GP1BA: variants seen among roughly 807,000 people sequenced by gnomAD.
GP1BA encodes the protein glycoprotein Ib platelet subunit alpha, also known as platelet glycoprotein Ib alpha chain.
Under a neutral mutation model 5.6 loss-of-function variants are expected in GP1BA, and 3 were observed. That is an observed-to-expected ratio of 0.53 (90% confidence interval 0.24 to 1.38). The LOEUF (loss-of-function observed/expected upper bound fraction) is 1.38. Ranked by LOEUF, GP1BA falls within the 40% of genes most tolerant of loss-of-function variation. GP1BA has a pLI of 0.16. For missense variants in GP1BA, 707 were observed against 801.4 expected (o/e 0.88, Z 1.42); for synonymous variants, 323 against 358.3 (o/e 0.90, Z 1.11).
rs932646888 is a variant in GP1BA at position 4,934,914 on chromosome 17, T to G, written c.*351T>G. 3.0e-6 allele frequency: 1 copy of G among 330,390 alleles called. No individual in the cohort carries two copies. The highest frequency in any genetic ancestry group is 2.1e-5 in the African/African-American group (1 of 46,834). 20.5% of individuals were successfully genotyped at this position (330,390 alleles called of 1,614,324 possible). A position where few individuals can be genotyped will look rare whatever the true frequency, so the allele number is the denominator to read the frequency against. Reference sequence around the variant, plus strand: ...TTTATCAGGATGTGAGCACTCGTTGTGTCTGGATGTTACAAATATGGGTGG... The same window carrying G: ...TTTATCAGGATGTGAGCACTCGTTGGGTCTGGATGTTACAAATATGGGTGG... On this transcript the variant is annotated 3_prime_UTR_variant, in exon 2 of 2. Transcript: ENST00000329125.
chr17:4,934,416 T>G lies in GP1BA; in HGVS notation c.1812T>G (p.Thr604=). 2 of 1,614,064 alleles carry G rather than the reference T, an allele frequency of 1.2e-6. No homozygotes were observed. The highest frequency in any genetic ancestry group is 1.7e-6 in the Non-Finnish European group (2 of 1,179,902). The change falls in exon 2 of 2, where the codon ACT becomes ACG. Residue 604 remains threonine, a synonymous_variant. Coordinates refer to ENST00000329125, the MANE Select transcript of GP1BA (RefSeq NM_000173.7). The part of the protein sequence containing the change: ...WLLFLRGSLP[T]FRSSLFLWVR... Reference sequence around the variant, plus strand: ...TCTTCCTTCGAGGTTCGCTTCCCACTTTCCGCTCCAGCCTCTTCCTGTGGG... The same window carrying G: ...TCTTCCTTCGAGGTTCGCTTCCCACGTTCCGCTCCAGCCTCTTCCTGTGGG...
In GP1BA at chr17:4,934,147, T is replaced by A. The variant is rs1257379088; in HGVS notation, c.1543T>A (p.Ser515Thr). Residue 515 changes from serine to threonine, a missense_variant, in exon 2 of 2, where the codon TCC becomes ACC. Transcript: ENST00000329125. ...GGTGCTCCAAGGGCATTTGGAGAGC[T>A]CCAGAAATGACCCTTTTCTCCACCC... is the stretch of plus-strand genomic sequence containing the variant. ...RGVLQGHLES[S>T]RNDPFLHPDF... 4 of 1,613,728 alleles carry A rather than the reference T, an allele frequency of 2.5e-6. No individual in the cohort carries two copies. The highest frequency in any genetic ancestry group is 1.1e-5 in the South Asian group (1 of 91,090).
Position 4,933,445 on chromosome 17 carries a change from C to T in GP1BA, c.841C>T (p.Pro281Ser), listed in dbSNP as rs1475292897. The T allele has an allele frequency of 6.2e-7, 1 of 1,613,926 alleles. No individual in the cohort carries two copies. The highest frequency in any genetic ancestry group is 8.5e-7 in the Non-Finnish European group (1 of 1,179,872). The change falls in exon 2 of 2, where the codon CCC becomes TCC. Residue 281 changes from proline (P) to serine (S), a missense_variant. By Grantham distance (74) the Pro-to-Ser change is moderately conservative. Coordinates refer to ENST00000329125, the MANE Select transcript of GP1BA (RefSeq NM_000173.7). ...CTACAAATACCCAGGAAAGGGGTGC[C>T]CCACCCTTGGTGATGAAGGTGACAC... ...PVYKYPGKGC[P>S]TLGDEGDTDL...
Position 4,932,523 on chromosome 17 carries a change from G to C in GP1BA, c.-6-76G>C. On this transcript the variant is annotated intron_variant, in intron 1 of 1. Coordinates refer to ENST00000329125, the MANE Select transcript of GP1BA (RefSeq NM_000173.7). The surrounding 1 kb of genome is among the most constrained non-coding windows in gnomAD (Gnocchi z 4.8). ...GCTGTTTCTGGAAGCGAAGCTGCAGGGGGAAGGGGGCTGGGGCCTGGGGGG... is the reference window on the plus strand; with the variant it reads ...GCTGTTTCTGGAAGCGAAGCTGCAGCGGGAAGGGGGCTGGGGCCTGGGGGG... The C allele has an allele frequency of 7.0e-7, 1 of 1,429,758 alleles. No individual in the cohort carries two copies. The highest frequency in any genetic ancestry group is 9.4e-7 in the Non-Finnish European group (1 of 1,068,028). 88.6% of individuals were successfully genotyped at this position (1,429,758 alleles called of 1,614,324 possible).
In GP1BA at chr17:4,933,393, G is replaced by A. The variant is rs762124363; in HGVS notation, c.789G>A (p.Gln263=). ...TGACCTCTAACGTGGCCAGTGTGCA[G>A]TGTGACAATTCAGACAAGTTTCCCG... The part of the protein sequence containing the change: ...KAMTSNVASV[Q]CDNSDKFPVY... Residue 263 remains glutamine, a synonymous_variant, in exon 2 of 2, where the codon CAG becomes CAA. Coordinates refer to ENST00000329125, the MANE Select transcript of GP1BA (RefSeq NM_000173.7). The A allele has an allele frequency of 5.6e-6, 9 of 1,613,816 alleles. No homozygotes were observed. In the East Asian group the frequency reaches 8.9e-5, roughly 16 times the overall value.
chr17:4,934,325 C>A lies in GP1BA; in HGVS notation c.1721C>A (p.Ala574Asp). The part of the protein sequence containing the change: ...DSGQGAALTT[A>D]TQTTHLELQR... ...GGCCAAGGTGCTGCTCTGACCACAG[C>A]CACACAAACCACACACCTGGAGCTG... The change falls in exon 2 of 2, where the codon GCC becomes GAC. Residue 574 changes from alanine to aspartate, a missense_variant. Ala to Asp is a moderately radical substitution (Grantham distance 126). This residue lies in a region of GP1BA where 247 missense variants were observed against 246.6 expected (regional missense o/e 1.00). Transcript: ENST00000329125. 6.2e-7 allele frequency: 1 copy of A among 1,614,006 alleles called. No individual in the cohort carries two copies. The highest frequency in any genetic ancestry group is 8.5e-7 in the Non-Finnish European group (1 of 1,179,912).
Position 4,933,145 on chromosome 17 carries a change from G to C in GP1BA, c.541G>C (p.Ala181Pro). 8 of 1,613,906 alleles carry C rather than the reference G, an allele frequency of 5.0e-6. No homozygotes were observed. The highest frequency in any genetic ancestry group is 6.8e-6 in the Non-Finnish European group (8 of 1,179,796). Reference sequence around the variant, plus strand: ...TAACAACAACTTGACTGAGCTCCCCGCTGGGCTCCTGAATGGGCTGGAGAA... The same window carrying C: ...TAACAACAACTTGACTGAGCTCCCCCCTGGGCTCCTGAATGGGCTGGAGAA... ...LANNNLTELP[A>P]GLLNGLENLD... The change falls in exon 2 of 2, where the codon GCT (alanine) becomes CCT (proline). Residue 181 changes from alanine to proline, a missense_variant. Physicochemically the swap from Ala to Pro is conservative, Grantham distance 27 (BLOSUM62 -1). Coordinates refer to ENST00000329125, the MANE Select transcript of GP1BA (RefSeq NM_000173.7).
chr17:4,932,721 A>C lies in GP1BA; in HGVS notation c.117A>C (p.Thr39=), dbSNP rs1410870925. The change falls in exon 2 of 2, where the codon ACA becomes ACC. Residue 39 remains threonine, a synonymous_variant. Coordinates refer to ENST00000329125, the MANE Select transcript of GP1BA (RefSeq NM_000173.7). The surrounding 1 kb of genome is among the most constrained non-coding windows in gnomAD (Gnocchi z 4.8). ...TGAACTGTGACAAGAGGAATCTGAC[A>C]GCGCTGCCTCCAGACCTGCCGAAAG... ...LEVNCDKRNL[T]ALPPDLPKDT... 1.7e-5 allele frequency: 27 copies of C among 1,613,936 alleles called. No individual in the cohort carries two copies. Among genetic ancestry groups the C allele is most frequent in the Non-Finnish European group, 2.3e-5 (27 of 1,179,878 alleles).
chr17:4,933,605 T>C lies in GP1BA; in HGVS notation c.1001T>C (p.Leu334Pro). 6.2e-7 allele frequency: 1 copy of C among 1,613,892 alleles called. No individual in the cohort carries two copies. The highest frequency in any genetic ancestry group is 8.5e-7 in the Non-Finnish European group (1 of 1,179,846). Reference protein sequence around the residue: ...GLFYSWSTASLDSQMPSSLHP... With the variant: ...GLFYSWSTASPDSQMPSSLHP... ...TTCTACTCATGGTCCACTGCTTCTC[T>C]AGACAGCCAAATGCCCTCCTCCTTG... Residue 334 changes from leucine (L) to proline (P), a missense_variant, in exon 2 of 2, where the codon CTA becomes CCA. Leu to Pro is a moderately conservative substitution (Grantham distance 98, BLOSUM62 -3). Around this residue, in one of 3 missense-constraint regions of GP1BA, gnomAD observed 442 missense variants for 498.8 expected, o/e 0.89. Coordinates refer to ENST00000329125, the MANE Select transcript of GP1BA (RefSeq NM_000173.7).
chr17:4,933,186 C>A lies in GP1BA; in HGVS notation c.582C>A (p.Leu194=). Residue 194 remains leucine (L), a synonymous_variant, in exon 2 of 2, where the codon CTC becomes CTA. Coordinates refer to ENST00000329125, the MANE Select transcript of GP1BA (RefSeq NM_000173.7). Reference sequence around the variant, plus strand: ...GGCTGGAGAATCTCGACACCCTTCTCCTCCAAGAGAACTCGCTGTATACAA... The same window carrying A: ...GGCTGGAGAATCTCGACACCCTTCTACTCCAAGAGAACTCGCTGTATACAA... ...LNGLENLDTL[L]LQENSLYTIP... The A allele has an allele frequency of 6.2e-7, 1 of 1,614,036 alleles. No homozygotes were observed. Among genetic ancestry groups the A allele is most frequent in the East Asian group, 2.2e-5 (1 of 44,892 alleles).
At position 4,934,582 on chromosome 17, in the gene GP1BA, C is replaced by A; in HGVS notation, c.*19C>A. 1 of 1,612,066 alleles carries A rather than the reference C, an allele frequency of 6.2e-7. No homozygotes were observed. The highest frequency in any genetic ancestry group is 8.5e-7 in the Non-Finnish European group (1 of 1,179,038). On this transcript the variant is annotated 3_prime_UTR_variant, in exon 2 of 2. Coordinates refer to ENST00000329125, the MANE Select transcript of GP1BA (RefSeq NM_000173.7). Reference sequence around the variant, plus strand: ...CCTCTGAGGGTGGGAGGTTTGGGGACCTTGAGAGAAGAGCCTGTGGGCTCT... The same window carrying A: ...CCTCTGAGGGTGGGAGGTTTGGGGAACTTGAGAGAAGAGCCTGTGGGCTCT...
Position 4,932,961 on chromosome 17 carries a change from C to T in GP1BA, c.357C>T (p.Thr119=), listed in dbSNP as rs377601326. 310 of 1,613,880 alleles carry T rather than the reference C, an allele frequency of 1.9e-4. No individual in the cohort carries two copies. The highest frequency in any genetic ancestry group is 2.4e-4 in the Non-Finnish European group (283 of 1,179,896). ...PLLGQTLPAL[T]VLDVSFNRLT... ...TAGGGCAGACACTGCCTGCTCTCAC[C>T]GTCCTGGACGTCTCCTTCAACCGGC... is the stretch of plus-strand genomic sequence containing the variant. The change falls in exon 2 of 2, where the codon ACC becomes ACT. Residue 119 remains threonine (T), a synonymous_variant. Coordinates refer to ENST00000329125, the MANE Select transcript of GP1BA (RefSeq NM_000173.7). The surrounding 1 kb of genome is among the most constrained non-coding windows in gnomAD (Gnocchi z 4.8).
rs1970359965 is a variant in GP1BA at position 4,932,750 on chromosome 17, C to T, written c.146C>T (p.Thr49Ile). Residue 49 changes from threonine to isoleucine, a missense_variant, in exon 2 of 2, where the codon ACA becomes ATA. Thr to Ile is a moderately conservative substitution (Grantham distance 89). This residue lies in a region of GP1BA where 442 missense variants were observed against 498.8 expected (regional missense o/e 0.89). Coordinates refer to ENST00000329125, the MANE Select transcript of GP1BA (RefSeq NM_000173.7). The surrounding 1 kb of genome is among the most constrained non-coding windows in gnomAD (Gnocchi z 4.8). Reference protein sequence around the residue: ...TALPPDLPKDTTILHLSENLL... With the variant: ...TALPPDLPKDITILHLSENLL... ...CTGCCTCCAGACCTGCCGAAAGACACAACCATCCTCCACCTGAGTGAGAAC... is the reference window on the plus strand; with the variant it reads ...CTGCCTCCAGACCTGCCGAAAGACATAACCATCCTCCACCTGAGTGAGAAC... 6.2e-7 allele frequency: 1 copy of T among 1,613,914 alleles called. No individual in the cohort carries two copies. Among genetic ancestry groups the T allele is most frequent in the Non-Finnish European group, 8.5e-7 (1 of 1,179,904 alleles).
Position 4,933,545 on chromosome 17 carries a change from TC to T in GP1BA, c.945del (p.Thr316ProfsTer19). ...KVRATRTVVK[F>X]PTKAHTTPWG... ...CGTGCCACAAGGACTGTGGTCAAGT[TC>T]CCCACCAAAGCCCATACAACCCCCT... On this transcript the variant is annotated frameshift_variant, in exon 2 of 2. Transcript: ENST00000329125. LOFTEE classifies it low-confidence loss of function (END_TRUNC). 1 of 1,613,570 alleles carries T rather than the reference TC, an allele frequency of 6.2e-7. No homozygotes were observed. Among genetic ancestry groups the T allele is most frequent in the Non-Finnish European group, 8.5e-7 (1 of 1,179,762 alleles).
chr17:4,934,497 G>A lies in GP1BA; in HGVS notation c.1893G>A (p.Leu631=). The change falls in exon 2 of 2, where the codon CTG becomes CTA. Residue 631 remains leucine (L), a synonymous_variant. Coordinates refer to ENST00000329125, the MANE Select transcript of GP1BA (RefSeq NM_000173.7). The part of the protein sequence containing the change: ...PLVAGRRPSA[L]SQGRGQDLLS... ...TGGCAGGAAGGAGGCCCTCAGCTCTGAGTCAGGGTCGTGGTCAGGACCTGC... is the reference window on the plus strand; with the variant it reads ...TGGCAGGAAGGAGGCCCTCAGCTCTAAGTCAGGGTCGTGGTCAGGACCTGC... 6.2e-7 allele frequency: 1 copy of A among 1,614,036 alleles called. No homozygotes were observed. The highest frequency in any genetic ancestry group is 8.5e-7 in the Non-Finnish European group (1 of 1,179,896).
chr17:4,934,641 A>G lies in GP1BA; in HGVS notation c.*78A>G, dbSNP rs1970396500. On this transcript the variant is annotated 3_prime_UTR_variant, in exon 2 of 2. Coordinates refer to ENST00000329125, the MANE Select transcript of GP1BA (RefSeq NM_000173.7). Reference sequence around the variant, plus strand: ...AATCTAGTTGGGGGTTGGAGGGGTAAGGAACACAGGGTGATAGGGAGGGGT... The same window carrying G: ...AATCTAGTTGGGGGTTGGAGGGGTAGGGAACACAGGGTGATAGGGAGGGGT... The G allele has an allele frequency of 1.4e-6, 2 of 1,434,546 alleles. No homozygotes were observed. Among genetic ancestry groups the G allele is most frequent in the Admixed American group, 4.3e-5 (2 of 46,192 alleles). 88.9% of individuals were successfully genotyped at this position (1,434,546 alleles called of 1,614,324 possible).
chr17:4,933,180 C>T lies in GP1BA; in HGVS notation c.576C>T (p.Thr192=). The T allele has an allele frequency of 6.2e-7, 1 of 1,613,986 alleles. No homozygotes were observed. Among genetic ancestry groups the T allele is most frequent in the Non-Finnish European group, 8.5e-7 (1 of 1,179,886 alleles). The change falls in exon 2 of 2, where the codon ACC becomes ACT. Residue 192 remains threonine (T), a synonymous_variant. Coordinates refer to ENST00000329125, the MANE Select transcript of GP1BA (RefSeq NM_000173.7). ...GLLNGLENLD[T]LLLQENSLYT... is the part of the protein sequence containing the mutation. The stretch of plus-strand genomic sequence containing the variant: ...TGAATGGGCTGGAGAATCTCGACAC[C>T]CTTCTCCTCCAAGAGAACTCGCTGT...
chr17:4,933,778 G>T lies in GP1BA; in HGVS notation c.1174G>T (p.Val392Phe). 1 of 1,609,878 alleles carries T rather than the reference G, an allele frequency of 6.2e-7. No homozygotes were observed. The highest frequency in any genetic ancestry group is 8.5e-7 in the Non-Finnish European group (1 of 1,178,712). The change falls in exon 2 of 2, where the codon GTC becomes TTC. Residue 392 changes from valine (V) to phenylalanine (F), a missense_variant. This residue lies in a region of GP1BA where 442 missense variants were observed against 498.8 expected (regional missense o/e 0.89). Transcript: ENST00000329125. The part of the protein sequence containing the change: ...PTPSPTTSEP[V>F]PEPAPNMTTL... ...CCCAAGCCCGACCACCTCAGAGCCC[G>T]TCCCGGAGCCCGCCCCAAACATGAC... is the stretch of plus-strand genomic sequence containing the variant.
Position 4,933,594 on chromosome 17 carries a change from C to T in GP1BA, c.990C>T (p.Ser330=). 2 of 1,613,918 alleles carry T rather than the reference C, an allele frequency of 1.2e-6. No individual in the cohort carries two copies. The highest frequency in any genetic ancestry group is 2.2e-5 in the South Asian group (2 of 91,080). The change falls in exon 2 of 2, where the codon TCC becomes TCT. Residue 330 remains serine (S), a synonymous_variant. Transcript: ENST00000329125. ...TTPWGLFYSW[S]TASLDSQMPS... The stretch of plus-strand genomic sequence containing the variant: ...CCTGGGGTCTATTCTACTCATGGTC[C>T]ACTGCTTCTCTAGACAGCCAAATGC...
Sources: allele counts gnomAD v4.1 joint callset, GRCh38; gene constraint gnomAD v4.1.1; regional missense constraint gnomAD v4.1.1; non-coding constraint Gnocchi (gnomAD v3.1); transcripts MANE v1.5; gene names NCBI Gene and HGNC (gene_info 2026-07-23, HGNC 2026-07-21).